Variants in ATXN10 observed in about 807,000 individuals in gnomAD.
ATXN10 encodes ataxin-10.
ATXN10 carries 28 observed loss-of-function variants against 52.9 expected under a neutral mutation model. That is an observed-to-expected ratio of 0.53 (90% CI 0.39 to 0.73). The LOEUF is 0.73. Among genes scored for constraint, ATXN10 ranks in the 30% least tolerant of loss-of-function variants. The probability of loss-of-function intolerance (pLI) is 0.00; values close to 1 mark genes in which losing one functional copy is unlikely to be tolerated. For missense variants in ATXN10, 565 were observed against 577.0 expected (o/e 0.98, Z 0.21); for synonymous variants, 226 against 221.5 (o/e 1.02, Z -0.18).
At chr22:45,720,878 G>A (rs1924624820) in intron 6 of ATXN10, among the ~76,000 whole-genome samples, 1 of 152,158 alleles carries the variant, frequency 6.6e-6, no homozygotes, top group Non-Finnish European at 1.5e-5. Context: ...CAAGAACATG[G>A]CACTGGCATT....
chr22:45,738,844 G>A lies in ATXN10; in HGVS notation c.1003+5G>A. 6.2e-7 allele frequency: 1 copy of A among 1,605,828 alleles called. No homozygotes were observed. Among genetic ancestry groups the A allele is most frequent in the African/African-American group, 1.3e-5 (1 of 74,852 alleles). ...GCTTGCTGGAAAGAGTGATTGGTGA[G>A]TGAAATATCACACATTGTATTTTTA... is the stretch of plus-strand genomic sequence containing the variant. On this transcript the variant is annotated splice_donor_5th_base_variant and intron_variant, in intron 8 of 11. Coordinates refer to ENST00000252934, the MANE Select transcript of ATXN10 (RefSeq NM_013236.4).
intron 8 of ATXN10, among the ~76,000 whole-genome samples, chr22:45,739,833 A>G (rs1046425687): frequency 1.3e-5 from 2 of 152,214 alleles, no homozygotes; most frequent in Non-Finnish European, 2.9e-5. Flanking sequence ...GGAGGTGCTC[A>G]TAGAGTAGAG....
At position 45,780,141 on chromosome 22, in the gene ATXN10, T is replaced by C. The variant is rs2146852214; in HGVS notation, c.1174-26818T>C. The stretch of plus-strand genomic sequence containing the variant: ...TTGTGTCACCCAGGCTGGAGTGCAG[T>C]GGCACGATCTTGGTTCACTGCAACC... On this transcript the variant is annotated intron_variant, in intron 9 of 11. Transcript: ENST00000252934. The surrounding 1 kb of genome is among the most constrained non-coding windows in gnomAD (Gnocchi z 4.0). Among the ~76,000 whole-genome samples, 1 of 151,866 alleles carries C rather than the reference T, an allele frequency of 6.6e-6. No homozygotes were observed. Among genetic ancestry groups the C allele is most frequent in the South Asian group, 2.1e-4 (1 of 4,818 alleles).
chr22:45,818,843 C>A lies in ATXN10; in HGVS notation c.1237+11821C>A, dbSNP rs1205558881. ...CAAAACTGTATGTGGACACTGATTG[C>A]CTGTTCCTAAGGACCTGCTCCTTAG... On this transcript the variant is annotated intron_variant, in intron 10 of 11. Transcript: ENST00000252934. This position sits in a 1 kb window ranked among gnomAD's most constrained non-coding sequence, Gnocchi z 4.6. Among the ~76,000 whole-genome samples, 1 of 152,150 alleles carries A rather than the reference C, an allele frequency of 6.6e-6. No homozygotes were observed. Among genetic ancestry groups the A allele is most frequent in the Non-Finnish European group, 1.5e-5 (1 of 68,044 alleles).
chr22:45,723,824 C>T (rs1030153196), intron 6 of ATXN10, among the ~76,000 whole-genome samples: 4 of 151,918 alleles, frequency 2.6e-5, no homozygotes, highest in African/African-American at 9.7e-5. Flanking sequence ...GGCGTGGTGG[C>T]GCTTGCCTGT....
chr22:45,692,885 C>G, intron 2 of ATXN10, 111 bp from the exon 3 acceptor site: 1 of 862,664 alleles, frequency 1.2e-6, no homozygotes. Flanking sequence ...ATAATTTAGG[C>G]TTTGTAATCT....
At chr22:45,740,195 A>C (rs1925455661) in intron 8 of ATXN10, among the ~76,000 whole-genome samples, 174 bp from the exon 9 acceptor site, 1 of 152,188 alleles carries the variant, frequency 6.6e-6, no homozygotes, top group Admixed American at 6.5e-5. Context: ...AGAGCCTTCT[A>C]ATCATTTTTT....
intron 5 of ATXN10, among the ~76,000 whole-genome samples, chr22:45,713,160 C>G (rs564593407): frequency 2.6e-5 from 4 of 152,244 alleles, no homozygotes; most frequent in Admixed American, 2.6e-4. Context: ...CTTTCGCTGT[C>G]TGTTGGCATG....
intron 6 of ATXN10, among the ~76,000 whole-genome samples, chr22:45,723,622 A>G (rs1022621889): frequency 1.4e-4 from 21 of 152,206 alleles, no homozygotes; most frequent in Admixed American, 8.5e-4. Context: ...GTGAGAACAT[A>G]TGGTATTTGA....
rs1368796400 is a variant in ATXN10 at position 45,844,017 on chromosome 22, TC to T, written c.*349del. On this transcript the variant is annotated 3_prime_UTR_variant, in exon 12 of 12. Coordinates refer to ENST00000252934, the MANE Select transcript of ATXN10 (RefSeq NM_013236.4). ...TTGGATGTTGGCTTGACTGTGTTTG[TC>T]CCTTCAGATGGCAAGTCAGCATCAT... The T allele has an allele frequency of 2.9e-5, 9 of 308,884 alleles. No homozygotes were observed. The highest frequency in any genetic ancestry group is 5.4e-5 in the Non-Finnish European group (9 of 165,966). 19.1% of individuals were successfully genotyped at this position (308,884 alleles called of 1,614,324 possible).
chr22:45,722,634 G>A (rs1284848023), intron 6 of ATXN10, among the ~76,000 whole-genome samples: 1 of 152,108 alleles, frequency 6.6e-6, no homozygotes, highest in Non-Finnish European at 1.5e-5. Flanking sequence ...GCTGGCCTGT[G>A]TGTCATTGTG....
At position 45,702,131 on chromosome 22, in the gene ATXN10, T is replaced by G. The variant is rs1329464394; in HGVS notation, c.489-558T>G. 2.6e-5 allele frequency among the ~76,000 whole-genome samples: 4 copies of G among 152,124 alleles called. No homozygotes were observed. In the South Asian group the frequency reaches 8.3e-4, roughly 32 times the overall value. On this transcript the variant is annotated intron_variant, in intron 4 of 11. Transcript: ENST00000252934. ...TCCTTCAGAAGAGTATTATGAAGTT[T>G]AAATGAAAAAAAATCCTGCCATATT... is the stretch of plus-strand genomic sequence containing the variant.
At chr22:45,752,172 GTTCAA>G (rs1001772448) in intron 9 of ATXN10, among the ~76,000 whole-genome samples, 12 of 152,306 alleles carry the variant, frequency 7.9e-5, no homozygotes, top group African/African-American at 2.9e-4. Flanking sequence ...AGAGCTTGTA[GTTCAA>G]TTCAACAAGT....
intron 7 of ATXN10, among the ~76,000 whole-genome samples, chr22:45,736,120 C>A (rs534505550): frequency 6.6e-6 from 1 of 151,940 alleles, no homozygotes; most frequent in East Asian, 1.9e-4. Flanking sequence ...TCTCTTCCAA[C>A]CTCTAATTTT....
intron 1 of ATXN10, 99 bp from the exon 2 acceptor site, chr22:45,689,613 T>G: frequency 9.9e-7 from 1 of 1,014,884 alleles, no homozygotes; most frequent in Non-Finnish European, 1.5e-6. Flanking sequence ...AAACGTAGCG[T>G]ACCTCCCCAC....
chr22:45,752,928 T>G (rs1381097507), intron 9 of ATXN10, among the ~76,000 whole-genome samples: 1 of 152,020 alleles, frequency 6.6e-6, no homozygotes, highest in Non-Finnish European at 1.5e-5. Context: ...GAGGTGGGGT[T>G]TTCCCATGTT....
chr22:45,723,958 A>G (rs991953840), intron 6 of ATXN10, among the ~76,000 whole-genome samples: 26 of 152,102 alleles, frequency 1.7e-4, no homozygotes, highest in African/African-American at 6.3e-4. Context: ...TCTCAAAAAA[A>G]AAAAAAATAA....
chr22:45,806,830 A>T (rs1218591250), intron 9 of ATXN10, 129 bp from the exon 10 acceptor site: 49 of 738,726 alleles, frequency 6.6e-5, no homozygotes, highest in Non-Finnish European at 2.9e-5. Context: ...GTTGATATAG[A>T]TATTTCAGAT....
In ATXN10 at chr22:45,762,092, GT is replaced by G. The variant is rs1454622480; in HGVS notation, c.1173+21556del. Among the ~76,000 whole-genome samples the G allele has an allele frequency of 1.6e-4, 24 of 152,170 alleles. No individual in the cohort carries two copies. Among genetic ancestry groups the G allele is most frequent in the African/African-American group, 5.5e-4 (23 of 41,446 alleles). On this transcript the variant is annotated intron_variant, in intron 9 of 11. Coordinates refer to ENST00000252934, the MANE Select transcript of ATXN10 (RefSeq NM_013236.4). This position sits in a 1 kb window ranked among gnomAD's most constrained non-coding sequence, Gnocchi z 4.3. ...GGTTTAAGTGAGCCAACCAACAAAAGTTACTCATAAAAGATAGTATTTTACT... is the reference window on the plus strand; with the variant it reads ...GGTTTAAGTGAGCCAACCAACAAAAGTACTCATAAAAGATAGTATTTTACT...
Sources: allele counts gnomAD v4.1 joint callset (sites outside exome capture counted in the v4.1 genomes callset), GRCh38; gene constraint gnomAD v4.1.1; non-coding constraint Gnocchi (gnomAD v3.1); transcripts MANE v1.5; gene names NCBI Gene and HGNC (gene_info 2026-07-23, HGNC 2026-07-21).